DPYD: variants seen among roughly 807,000 people sequenced by gnomAD.
DPYD encodes the protein dihydropyrimidine dehydrogenase, also known as dihydropyrimidine dehydrogenase [NADP(+)].
Under a neutral mutation model 116.2 loss-of-function variants are expected in DPYD, and 109 were observed. The observed-to-expected ratio is 0.94, with a 90% confidence interval of 0.80 to 1.10. The LOEUF is 1.10. Ranked by LOEUF, DPYD falls within the 50% of genes least tolerant of loss-of-function variation. The probability of loss-of-function intolerance (pLI) is 0.00; values close to 1 mark genes in which losing one functional copy is unlikely to be tolerated. For synonymous variants in DPYD, 440 were observed against 432.0 expected, an observed-to-expected ratio of 1.02 and a Z score of -0.23; for missense variants, 1,302 against 1,254.5, an observed-to-expected ratio of 1.04 and a Z score of -0.57.
rs934547486 is a variant in DPYD, at chr1:97,774,785, T to C, written c.234-34306A>G. ...AATTGAACTACCCTGAAGTAGTTGG[T>C]AACTGGGAAAGAACTAGGAAAAAAA... On this transcript the variant is annotated intron_variant, in intron 3 of 22. Coordinates refer to ENST00000370192, the MANE Select transcript of DPYD (RefSeq NM_000110.4). The C allele has an allele frequency of 2.8e-5, 5 of 175,624 alleles. No homozygotes were observed. In the South Asian group the frequency reaches 8.0e-4, roughly 28 times the overall value. 10.9% of individuals were successfully genotyped at this position (175,624 alleles called of 1,614,324 possible). A position where few individuals can be genotyped will look rare whatever the true frequency, so the allele number is the denominator to read the frequency against.
chr1:97,084,820 T>C (rs1417414320), intron 21 of DPYD, among the ~76,000 whole-genome samples: 3 of 152,230 alleles, frequency 2.0e-5, no homozygotes, highest in Non-Finnish European at 4.4e-5. Context: ...CTTCCCATGT[T>C]GTGGTCTCTT....
At chr1:97,850,252 C>A (rs986051590) in intron 2 of DPYD, among the ~76,000 whole-genome samples, 1 of 152,138 alleles carries the variant, frequency 6.6e-6, no homozygotes, top group Non-Finnish European at 1.5e-5. Flanking sequence ...CTCCAAATAT[C>A]TGATTAAAGT....
At chr1:97,753,956 C>T (rs1665082366) in intron 3 of DPYD, among the ~76,000 whole-genome samples, 1 of 151,988 alleles carries the variant, frequency 6.6e-6, no homozygotes, top group Admixed American at 6.6e-5. Context: ...AAAATTGTCC[C>T]CATTAAAACT....
intron 3 of DPYD, among the ~76,000 whole-genome samples, chr1:97,804,897 A>C (rs1039820520): frequency 5.3e-5 from 8 of 152,030 alleles, no homozygotes; most frequent in African/African-American, 1.9e-4. Flanking sequence ...GTAATAAATT[A>C]TTTCATTTAC....
chr1:97,635,660 T>C (rs1351426176), intron 8 of DPYD, among the ~76,000 whole-genome samples: 1 of 152,196 alleles, frequency 6.6e-6, no homozygotes, highest in Non-Finnish European at 1.5e-5. Context: ...CCTCAGTGTC[T>C]ATATTGTACA....
intron 11 of DPYD, among the ~76,000 whole-genome samples, chr1:97,550,347 C>T (rs1283309078): frequency 6.6e-6 from 1 of 151,952 alleles, no homozygotes; most frequent in Non-Finnish European, 1.5e-5. Flanking sequence ...GCAACAAATG[C>T]AAACATTACC....
At chr1:97,497,828 C>A (rs1679355781) in intron 13 of DPYD, among the ~76,000 whole-genome samples, 2 of 151,706 alleles carry the variant, frequency 1.3e-5, no homozygotes, top group South Asian at 4.1e-4. Flanking sequence ...CCACTCCTAA[C>A]TATATTCCAA....
At chr1:97,883,238 T>G in intron 2 of DPYD, 26 bp downstream of exon 2, 2 of 1,510,246 alleles carry the variant, frequency 1.3e-6, no homozygotes, top group South Asian at 1.1e-5. Context: ...ATTTTCAGCA[T>G]GAAATAGTGT....
At chr1:97,910,388 T>A (rs1012847250) in intron 1 of DPYD, among the ~76,000 whole-genome samples, 7 of 152,040 alleles carry the variant, frequency 4.6e-5, no homozygotes, top group African/African-American at 1.7e-4. Context: ...AAGAGATAAA[T>A]CACTGAAGTC....
intron 4 of DPYD, among the ~76,000 whole-genome samples, chr1:97,734,933 A>G (rs182341910): frequency 1.9e-4 from 29 of 152,304 alleles, no homozygotes; most frequent in African/African-American, 5.8e-4. Context: ...AACCCCACCT[A>G]GGTCCCACCT....
chr1:97,158,376 T>C (rs1482182580), intron 20 of DPYD, among the ~76,000 whole-genome samples: 1 of 151,874 alleles, frequency 6.6e-6, no homozygotes, highest in Non-Finnish European at 1.5e-5. Flanking sequence ...AGAAGGATTC[T>C]TCATATTTTT....
At chr1:97,771,099 C>G (rs1175989506) in intron 3 of DPYD, among the ~76,000 whole-genome samples, 1 of 152,002 alleles carries the variant, frequency 6.6e-6, no homozygotes, top group Non-Finnish European at 1.5e-5. Flanking sequence ...GGGTGGATCA[C>G]CTGAGCTCAG....
At chr1:97,599,931 A>G (rs1339269658) in intron 8 of DPYD, among the ~76,000 whole-genome samples, 2 of 149,460 alleles carry the variant, frequency 1.3e-5, no homozygotes, top group Non-Finnish European at 3.0e-5. Flanking sequence ...CTGTAATCCC[A>G]GCTATTCCAG....
chr1:97,718,386 T>C (rs1662734569), intron 5 of DPYD, among the ~76,000 whole-genome samples: 1 of 151,968 alleles, frequency 6.6e-6, no homozygotes, highest in African/African-American at 2.4e-5. Flanking sequence ...GTATAAAATC[T>C]AAATATAAGT....
At chr1:97,516,804 T>C (rs1648265381) in intron 12 of DPYD, among the ~76,000 whole-genome samples, 1 of 151,970 alleles carries the variant, frequency 6.6e-6, no homozygotes, top group Non-Finnish European at 1.5e-5. Flanking sequence ...CTTTTGTTTG[T>C]AAAGTGTCTC....
At chr1:97,842,140 A>T (rs1221484968) in intron 2 of DPYD, among the ~76,000 whole-genome samples, 1 of 151,894 alleles carries the variant, frequency 6.6e-6, no homozygotes. Context: ...TAAAATTCTT[A>T]AAAACTGACT....
At chr1:97,096,581 T>C (rs1261411789) in intron 21 of DPYD, among the ~76,000 whole-genome samples, 3 of 152,116 alleles carry the variant, frequency 2.0e-5, no homozygotes. Flanking sequence ...ACTCTGTAAC[T>C]AGGATTGTAA....
intron 16 of DPYD, among the ~76,000 whole-genome samples, chr1:97,341,538 A>C (rs1669588228): frequency 6.6e-6 from 1 of 152,148 alleles, no homozygotes; most frequent in African/African-American, 2.4e-5. Flanking sequence ...CACACCATTA[A>C]AGAGGAACAT....
intron 3 of DPYD, among the ~76,000 whole-genome samples, chr1:97,798,387 A>T (rs1432721981): frequency 6.6e-6 from 1 of 152,010 alleles, no homozygotes; most frequent in African/African-American, 2.4e-5. Flanking sequence ...TCCCTGTGAC[A>T]ATCAAGCAAA....
Sources: allele counts gnomAD v4.1 joint callset (sites outside exome capture counted in the v4.1 genomes callset), GRCh38; gene constraint gnomAD v4.1.1; transcripts MANE v1.5; gene names NCBI Gene and HGNC (gene_info 2026-07-23, HGNC 2026-07-21).